Variants in LUZP2 observed in about 807,000 individuals in gnomAD.
LUZP2 encodes the protein leucine zipper protein 2.
Under a neutral mutation model 51.6 loss-of-function variants are expected in LUZP2, and 52 were observed. The observed-to-expected ratio is 1.01, with a 90% CI of 0.81 to 1.27. The LOEUF (loss-of-function observed/expected upper bound fraction) is 1.27, where lower values mean the gene tolerates loss of function less well. Among genes scored for constraint, LUZP2 ranks in the 50% most tolerant of loss-of-function variants. The probability of loss-of-function intolerance (pLI) is 0.00; values close to 1 mark genes in which losing one functional copy is unlikely to be tolerated. For missense variants in LUZP2, 436 were observed against 395.4 expected (o/e 1.10, Z -0.87); for synonymous variants, 154 against 137.3 (o/e 1.12, Z -0.85).
intron 5 of LUZP2, among the ~76,000 whole-genome samples, chr11:24,806,134 T>C (rs1685789472): frequency 6.6e-6 from 1 of 152,194 alleles, no homozygotes; most frequent in Non-Finnish European, 1.5e-5. Context: ...TCAAAAATCT[T>C]GGGGATAAAA....
intron 1 of LUZP2, among the ~76,000 whole-genome samples, chr11:24,659,396 A>C (rs1855935110): frequency 6.6e-6 from 1 of 152,084 alleles, no homozygotes; most frequent in Admixed American, 6.6e-5. Context: ...ACAGAAAGGG[A>C]ACATCACACA....
intron 7 of LUZP2, among the ~76,000 whole-genome samples, chr11:24,922,344 C>T (rs1187739130): frequency 6.6e-6 from 1 of 152,090 alleles, no homozygotes; most frequent in Non-Finnish European, 1.5e-5. Context: ...GCATTGCAAC[C>T]TGAATTTCCA....
intron 1 of LUZP2, among the ~76,000 whole-genome samples, chr11:24,615,995 C>A (rs1408627497): frequency 6.6e-6 from 1 of 151,026 alleles, no homozygotes; most frequent in Non-Finnish European, 1.5e-5. Context: ...TTCTTCTGTG[C>A]ATTTCCTAGT....
chr11:24,509,465 G>A (rs967667152), intron 1 of LUZP2, among the ~76,000 whole-genome samples: 5 of 148,322 alleles, frequency 3.4e-5, no homozygotes, highest in Non-Finnish European at 7.4e-5. Context: ...TATTATATAT[G>A]GTATAGTATA....
At chr11:24,499,324 C>G (rs1849918720) in intron 1 of LUZP2, among the ~76,000 whole-genome samples, 3 of 152,140 alleles carry the variant, frequency 2.0e-5, no homozygotes, top group Non-Finnish European at 2.9e-5. Context: ...ATATGAAAAG[C>G]AATGCGGTAC....
intron 2 of LUZP2, among the ~76,000 whole-genome samples, 157 bp from the exon 3 acceptor site, chr11:24,731,961 G>C (rs1350222891): frequency 6.6e-6 from 1 of 151,636 alleles, no homozygotes; most frequent in Non-Finnish European, 1.5e-5. Context: ...ATAAATTTCT[G>C]TTTACATCCT....
intron 5 of LUZP2, among the ~76,000 whole-genome samples, chr11:24,896,680 C>T (rs775974626): frequency 3.3e-5 from 5 of 152,184 alleles, no homozygotes; most frequent in Admixed American, 6.5e-5. Flanking sequence ...TTGAGGAGTG[C>T]GGGTGCACCC....
intron 9 of LUZP2, among the ~76,000 whole-genome samples, chr11:25,005,217 G>A (rs1026479122): frequency 2.6e-5 from 4 of 152,128 alleles, no homozygotes; most frequent in Admixed American, 6.6e-5. Context: ...GGAGATTAGA[G>A]GAGGCTTATC....
chr11:24,761,768 T>C (rs1382232951), intron 4 of LUZP2, among the ~76,000 whole-genome samples: 3 of 152,210 alleles, frequency 2.0e-5, no homozygotes, highest in Non-Finnish European at 4.4e-5. Flanking sequence ...AATTAACTGG[T>C]ATTACATAAA....
chr11:24,674,442 T>A (rs1856485472), intron 1 of LUZP2, among the ~76,000 whole-genome samples: 1 of 152,198 alleles, frequency 6.6e-6, no homozygotes, highest in Non-Finnish European at 1.5e-5. Context: ...GTCACTTTAC[T>A]GGGAATCACC....
At chr11:24,857,710 A>ACTTC (rs66473042) in intron 5 of LUZP2, among the ~76,000 whole-genome samples, 1 of 28 alleles carries the variant, frequency 0.036, no homozygotes, top group Non-Finnish European at 0.071. Flanking sequence ...CAGAGGGTGA[A>ACTTC]CTTTAATTCC....
intron 1 of LUZP2, among the ~76,000 whole-genome samples, chr11:24,566,633 C>A (rs1344516633): frequency 2.0e-5 from 3 of 146,760 alleles, no homozygotes; most frequent in Admixed American, 1.4e-4. Flanking sequence ...TACACACACA[C>A]ACACACACAC....
chr11:24,644,983 A>G (rs1855421225), intron 1 of LUZP2, among the ~76,000 whole-genome samples: 1 of 152,180 alleles, frequency 6.6e-6, no homozygotes, highest in South Asian at 2.1e-4. Context: ...AATGTAAATC[A>G]CTTTATAGAT....
At chr11:24,988,941 T>C (rs1389854549) in intron 9 of LUZP2, among the ~76,000 whole-genome samples, 2 of 151,776 alleles carry the variant, frequency 1.3e-5, no homozygotes, top group Admixed American at 1.3e-4. Flanking sequence ...AGAATTATAT[T>C]TGCAAGAGGT....
intron 1 of LUZP2, among the ~76,000 whole-genome samples, chr11:24,632,277 T>A (rs1854923979): frequency 6.6e-6 from 1 of 151,974 alleles, no homozygotes; most frequent in Admixed American, 6.6e-5. Context: ...ATGAGGGACA[T>A]AAAACCTCGG....
intron 1 of LUZP2, among the ~76,000 whole-genome samples, chr11:24,688,552 C>A (rs1856967038): frequency 6.9e-6 from 1 of 145,248 alleles, no homozygotes; most frequent in Non-Finnish European, 1.5e-5. Context: ...TCATGATAAG[C>A]AGGCTACTAT....
At chr11:25,014,237 T>C (rs999027588) in intron 9 of LUZP2, among the ~76,000 whole-genome samples, 4 of 152,214 alleles carry the variant, frequency 2.6e-5, no homozygotes, top group Non-Finnish European at 5.9e-5. Flanking sequence ...TATAGCAGCA[T>C]GTTTTATAAT....
intron 5 of LUZP2, among the ~76,000 whole-genome samples, chr11:24,845,835 G>A (rs563759798): frequency 1.1e-4 from 17 of 152,206 alleles, no homozygotes; most frequent in South Asian, 2.1e-4. Flanking sequence ...CAGCCATGTG[G>A]AACCATAAGT....
intron 1 of LUZP2, among the ~76,000 whole-genome samples, chr11:24,540,268 A>G (rs1414840564): frequency 6.6e-6 from 1 of 152,044 alleles, no homozygotes; most frequent in Non-Finnish European, 1.5e-5. Context: ...TTATAGATTG[A>G]ATGTTTGTTA....
Sources: gnomAD v4.1 joint callset for allele counts (sites outside exome capture counted in the v4.1 genomes callset) on GRCh38, gnomAD v4.1.1 for gene constraint, MANE v1.5 for transcripts, NCBI Gene and HGNC (gene_info 2026-07-23, HGNC 2026-07-21) for gene names.